ABCC4: variants seen among roughly 807,000 people sequenced by gnomAD.
The protein encoded by ABCC4 is ATP-binding cassette sub-family C member 4.
A neutral mutation model predicts 168.5 loss-of-function variants in ABCC4; 102 were observed. The observed-to-expected ratio is 0.61, with a 90% CI of 0.52 to 0.71. The LOEUF is 0.71. Among genes scored for constraint, ABCC4 ranks in the 30% least tolerant of loss-of-function variants. ABCC4 has a pLI of 0.00. For synonymous variants in ABCC4, 617 were observed against 590.7 expected (o/e 1.04, Z -0.65); for missense variants, 1,402 against 1,605.8 (o/e 0.87, Z 2.17).
rs4148513 is a variant in ABCC4 at position 95,138,099 on chromosome 13, C to T, written c.2456-22098G>A. The stretch of plus-strand genomic sequence containing the variant: ...AGTACTAATGAAACTTTTAGAAGCT[C>T]AAGTCTCCAAGTCTGTTGCTGCCTT... On this transcript the variant is annotated intron_variant, in intron 19 of 30. Coordinates refer to ENST00000645237, the MANE Select transcript of ABCC4 (RefSeq NM_005845.5). Among the ~76,000 whole-genome samples the T allele has an allele frequency of 2.4e-3, 369 of 152,272 alleles. 2 individuals carry two copies. The East Asian group carries it at 0.024, about 10-fold the overall frequency.
chr13:95,028,903 C>T (rs924338628), intron 30 of ABCC4, among the ~76,000 whole-genome samples: 10 of 152,014 alleles, frequency 6.6e-5, no homozygotes, highest in Non-Finnish European at 1.3e-4. Context: ...TGGTGGCTCA[C>T]GCCTGTAATC....
intron 25 of ABCC4, among the ~76,000 whole-genome samples, chr13:95,066,591 C>G (rs550359691): frequency 1.3e-5 from 2 of 152,252 alleles, no homozygotes; most frequent in East Asian, 3.9e-4. Context: ...TGTTTTACAC[C>G]TCTTATCTTG....
chr13:95,126,152 C>T (rs1243185464), intron 19 of ABCC4, among the ~76,000 whole-genome samples: 5 of 152,174 alleles, frequency 3.3e-5, no homozygotes, highest in Non-Finnish European at 7.3e-5. Context: ...GAATGTACCA[C>T]TTTAATCCCT....
At chr13:95,188,310 A>G (rs1375979112) in intron 10 of ABCC4, 143 bp downstream of exon 10, 2 of 736,118 alleles carry the variant, frequency 2.7e-6, no homozygotes, top group African/African-American at 3.5e-5. Flanking sequence ...CCTTCTTGCA[A>G]AACGAATGTT....
At chr13:95,180,473 A>G (rs767171657) in intron 11 of ABCC4, among the ~76,000 whole-genome samples, 6 of 152,092 alleles carry the variant, frequency 3.9e-5, no homozygotes, top group Admixed American at 6.6e-5. Flanking sequence ...GAATCGCTTG[A>G]ACCTGGGAGG....
chr13:95,208,837 C>A (rs2038864945), intron 6 of ABCC4, among the ~76,000 whole-genome samples: 1 of 151,974 alleles, frequency 6.6e-6, no homozygotes, highest in Non-Finnish European at 1.5e-5. Flanking sequence ...CCAGGCAGGT[C>A]TCAAACTCCT....
chr13:95,135,462 G>A (rs1225496018), intron 19 of ABCC4, among the ~76,000 whole-genome samples: 1 of 150,860 alleles, frequency 6.6e-6, no homozygotes, highest in Admixed American at 6.6e-5. Context: ...GGCCAGGCTG[G>A]AGTATAGCTG....
intron 4 of ABCC4, among the ~76,000 whole-genome samples, chr13:95,225,709 A>G (rs1400494514): frequency 6.6e-6 from 1 of 152,104 alleles, no homozygotes; most frequent in Non-Finnish European, 1.5e-5. Flanking sequence ...ACCATTTATA[A>G]CAGCACAAAT....
At position 95,034,696 on chromosome 13, in the gene ABCC4, A is replaced by T. The variant is rs1238606054; in HGVS notation, c.3779T>A (p.Val1260Asp). Residue 1260 changes from valine (V) to aspartate (D), a missense_variant, in exon 30 of 31, where the codon GTT becomes GAT. Around this residue, in one of 3 missense-constraint regions of ABCC4, gnomAD observed 1,007 missense variants for 1,127.3 expected, o/e 0.89. Transcript: ENST00000645237. ...GRLKEYDEPY[V>D]LLQNKESLFY... is the part of the protein sequence containing the mutation. ...TAGGCTCTCTTTATTTTGCAGCAAA[A>T]CATACGGCTCATCATATTCTTTCAG... is the stretch of plus-strand genomic sequence containing the variant. 3.7e-6 allele frequency: 6 copies of T among 1,614,076 alleles called. No individual in the cohort carries two copies. The East Asian group carries it at 8.9e-5, about 24-fold the overall frequency.
chr13:95,271,962 T>C (rs1053054635), intron 1 of ABCC4, among the ~76,000 whole-genome samples: 5 of 152,088 alleles, frequency 3.3e-5, no homozygotes, highest in Admixed American at 3.3e-4. Flanking sequence ...TTATTGAATA[T>C]ACACAAAGAG....
chr13:95,180,802 T>C (rs1287404608), intron 11 of ABCC4, among the ~76,000 whole-genome samples: 1 of 152,234 alleles, frequency 6.6e-6, no homozygotes, highest in East Asian at 1.9e-4. Context: ...AGCCATTTTC[T>C]AGAAAAGACA....
intron 9 of ABCC4, among the ~76,000 whole-genome samples, chr13:95,192,686 G>C (rs1427022099): frequency 6.6e-6 from 1 of 152,180 alleles, no homozygotes; most frequent in Non-Finnish European, 1.5e-5. Flanking sequence ...GGGAGGCCAA[G>C]GCGGGCAGAT....
At chr13:95,097,152 T>G (rs564236610) in intron 20 of ABCC4, among the ~76,000 whole-genome samples, 126 of 152,214 alleles carry the variant, frequency 8.3e-4, no homozygotes, top group African/African-American at 2.6e-3. Flanking sequence ...TAAATGGATA[T>G]GTAAACTCTA....
chr13:95,259,241 G>A (rs1254642167), intron 1 of ABCC4, among the ~76,000 whole-genome samples: 15 of 152,096 alleles, frequency 9.9e-5, no homozygotes, highest in African/African-American at 2.2e-4. Context: ...TTAGCCAGGC[G>A]TGGTGGCACA....
At chr13:95,124,639 T>C (rs1188597563) in intron 19 of ABCC4, among the ~76,000 whole-genome samples, 1 of 87,992 alleles carries the variant, frequency 1.1e-5, no homozygotes, top group Non-Finnish European at 2.1e-5. Context: ...GAGGCAGAGG[T>C]GGGGGGATCA....
chr13:95,103,663 A>G (rs951582220), intron 20 of ABCC4, among the ~76,000 whole-genome samples: 3 of 152,158 alleles, frequency 2.0e-5, no homozygotes, highest in African/African-American at 7.2e-5. Context: ...TGGATGTCCT[A>G]AAGAGAAACT....
At chr13:95,043,907 A>C (rs973688838) in intron 28 of ABCC4, 120 bp from the exon 29 acceptor site, 5 of 658,260 alleles carry the variant, frequency 7.6e-6, no homozygotes, top group Non-Finnish European at 1.2e-5. Flanking sequence ...TTAATGTTTT[A>C]AAAATCATGT....
At chr13:95,228,550 G>A (rs974127082) in intron 4 of ABCC4, among the ~76,000 whole-genome samples, 5 of 152,088 alleles carry the variant, frequency 3.3e-5, no homozygotes, top group South Asian at 2.1e-4. Context: ...CAATGTAGGC[G>A]CATTACCTGA....
At chr13:95,196,608 G>C (rs2038435695) in intron 8 of ABCC4, among the ~76,000 whole-genome samples, 1 of 6,932 alleles carries the variant, frequency 1.4e-4, no homozygotes, top group East Asian at 5.6e-3. Flanking sequence ...AAGGAAGGAA[G>C]GAAGGAAGGA....
Sources: allele counts gnomAD v4.1 joint callset (sites outside exome capture counted in the v4.1 genomes callset), GRCh38; gene constraint gnomAD v4.1.1; regional missense constraint gnomAD v4.1.1; transcripts MANE v1.5; gene names NCBI Gene and HGNC (gene_info 2026-07-23, HGNC 2026-07-21).